TSPAN3: variants seen among roughly 807,000 people sequenced by gnomAD.
TSPAN3 encodes tetraspanin-3.
Under a neutral mutation model 31.1 loss-of-function variants are expected in TSPAN3, and 9 were observed. The observed-to-expected ratio is 0.29, with a 90% CI of 0.17 to 0.50. TSPAN3 has a LOEUF of 0.50. Ranked by LOEUF, TSPAN3 falls within the 20% of genes least tolerant of loss-of-function variation. The pLI is 0.98. For synonymous variants in TSPAN3, 129 were observed against 114.3 expected, an observed-to-expected ratio of 1.13 and a Z score of -0.82; for missense variants, 252 against 313.5, an observed-to-expected ratio of 0.80 and a Z score of 1.48.
At chr15:77,070,260 A>G (rs1269527939) in intron 1 of TSPAN3, among the ~76,000 whole-genome samples, 1 of 152,232 alleles carries the variant, frequency 6.6e-6, no homozygotes, top group Admixed American at 6.5e-5. Flanking sequence ...ACCAAGAGTT[A>G]TAATCTCACA....
At chr15:77,062,538 TAA>T (rs1314042087) in intron 1 of TSPAN3, among the ~76,000 whole-genome samples, 2 of 152,110 alleles carry the variant, frequency 1.3e-5, no homozygotes, top group African/African-American at 4.8e-5. Flanking sequence ...TGATCAGCAA[TAA>T]AGTTAAGGAG....
At chr15:77,070,234 C>G (rs1254610376) in intron 1 of TSPAN3, among the ~76,000 whole-genome samples, 1 of 152,202 alleles carries the variant, frequency 6.6e-6, no homozygotes, top group Non-Finnish European at 1.5e-5. Context: ...CTTGTGACAT[C>G]TCCATCATAT....
At chr15:77,055,678 CAAGT>C (rs2076764189) in intron 3 of TSPAN3, 107 bp downstream of exon 3, 6 of 841,416 alleles carry the variant, frequency 7.1e-6, no homozygotes, top group East Asian at 2.6e-5. Context: ...ACAGATTAAA[CAAGT>C]AAGGCAAAAG....
intron 1 of TSPAN3, among the ~76,000 whole-genome samples, chr15:77,059,592 T>C (rs1037408775): frequency 1.3e-5 from 2 of 152,186 alleles, no homozygotes; most frequent in African/African-American, 4.8e-5. Flanking sequence ...TTGTCATTTG[T>C]TTTTATTAGA....
intron 1 of TSPAN3, among the ~76,000 whole-genome samples, chr15:77,056,558 T>G (rs958349237): frequency 1.3e-5 from 2 of 152,060 alleles, no homozygotes; most frequent in African/African-American, 2.4e-5. Flanking sequence ...GTAGCTCAAT[T>G]CCACATCCAA....
intron 4 of TSPAN3, 103 bp from the exon 5 acceptor site, chr15:77,053,032 C>T (rs1246773674): frequency 3.5e-5 from 39 of 1,122,858 alleles, no homozygotes; most frequent in East Asian, 1.6e-4. Context: ...CAGTGATGTC[C>T]GATACAACTT....
chr15:77,042,762 T>C lies in TSPAN3; in HGVS notation c.*4073A>G, dbSNP rs201154823. 1.3e-5 allele frequency: 2 copies of C among 151,938 alleles called. No individual in the cohort carries two copies. The highest frequency in any genetic ancestry group is 4.8e-5 in the African/African-American group (2 of 41,362). The allele number at this position is 151,938 out of a possible 1,614,324, so 9.4% of individuals were successfully genotyped here. A position where few individuals can be genotyped will look rare whatever the true frequency, so the allele number is the denominator to read the frequency against. On this transcript the variant is annotated 3_prime_UTR_variant, in exon 7 of 7. Coordinates refer to ENST00000267970, the MANE Select transcript of TSPAN3 (RefSeq NM_005724.6). ...ACATTTGCTGAACCTGGTCGGGGAA[T>C]GGGGAAGAGTCTCATGAGGAACAGG...
chr15:77,056,191 T>C lies in TSPAN3; in HGVS notation c.128A>G (p.His43Arg). 6.2e-7 allele frequency: 1 copy of C among 1,613,790 alleles called. No individual in the cohort carries two copies. The highest frequency in any genetic ancestry group is 8.5e-7 in the Non-Finnish European group (1 of 1,179,946). Reference protein sequence around the residue: ...YVFITYDDYDHFFEDVYTLIP... With the variant: ...YVFITYDDYDRFFEDVYTLIP... ...GAGCGTGTACACATCTTCAAAGAAGTGGTCATAGTCATCATAAGTGATGAA... is the reference window on the plus strand; with the variant it reads ...GAGCGTGTACACATCTTCAAAGAAGCGGTCATAGTCATCATAAGTGATGAA... The change falls in exon 2 of 7, where the codon CAC becomes CGC. Residue 43 changes from histidine to arginine, a missense_variant. By Grantham distance (29) the His-to-Arg change is conservative. Coordinates refer to ENST00000267970, the MANE Select transcript of TSPAN3 (RefSeq NM_005724.6).
At chr15:77,068,769 GGAT>G (rs2076848911) in intron 1 of TSPAN3, among the ~76,000 whole-genome samples, 1 of 152,184 alleles carries the variant, frequency 6.6e-6, no homozygotes, top group Non-Finnish European at 1.5e-5. Context: ...AGTTTGTTGA[GGAT>G]GATGGCTTCC....
intron 1 of TSPAN3, among the ~76,000 whole-genome samples, chr15:77,067,119 G>A (rs138682985): frequency 1.3e-5 from 2 of 151,902 alleles, no homozygotes; most frequent in African/African-American, 4.8e-5. Flanking sequence ...CCTCTTAAAG[G>A]CCCCATCTCT....
intron 5 of TSPAN3, 122 bp from the exon 6 acceptor site, chr15:77,052,590 T>C: frequency 8.7e-7 from 1 of 1,145,482 alleles, no homozygotes; most frequent in Non-Finnish European, 1.3e-6. Context: ...GAAAAAAGAT[T>C]CCATGATTGG....
At chr15:77,061,660 G>A (rs1475715797) in intron 1 of TSPAN3, among the ~76,000 whole-genome samples, 1 of 152,210 alleles carries the variant, frequency 6.6e-6, no homozygotes, top group Non-Finnish European at 1.5e-5. Context: ...GGGAGATAAA[G>A]TAGCTCTGTT....
intron 5 of TSPAN3, 84 bp downstream of exon 5, chr15:77,052,693 C>T: frequency 6.8e-7 from 1 of 1,470,950 alleles, no homozygotes; most frequent in Non-Finnish European, 9.3e-7. Context: ...AGCAAGGTGG[C>T]AGAAAAGAAG....
intron 1 of TSPAN3, among the ~76,000 whole-genome samples, chr15:77,057,048 AAC>A (rs1373032208): frequency 6.6e-6 from 1 of 152,200 alleles, no homozygotes; most frequent in Non-Finnish European, 1.5e-5. Context: ...AGGGAAAGTG[AAC>A]ACACAAAGAC....
chr15:77,053,262 G>A (rs187201554), intron 4 of TSPAN3, among the ~76,000 whole-genome samples: 32 of 151,786 alleles, frequency 2.1e-4, no homozygotes, highest in Admixed American at 1.4e-3. Context: ...TTGGGAGGCC[G>A]AGATGGGCGA....
At chr15:77,064,299 G>A (rs373761193) in intron 1 of TSPAN3, 1 of 152,120 alleles carries the variant, frequency 6.6e-6, no homozygotes, top group Non-Finnish European at 1.5e-5. Flanking sequence ...TTAGCTGTCA[G>A]ACTACAGGGA....
intron 1 of TSPAN3, among the ~76,000 whole-genome samples, chr15:77,057,891 T>C (rs2076777576): frequency 6.6e-6 from 1 of 152,168 alleles, no homozygotes; most frequent in Non-Finnish European, 1.5e-5. Context: ...ATCCTCAACC[T>C]GTCTCAAACC....
At position 77,046,844 on chromosome 15, in the gene TSPAN3, G is replaced by A. The variant is rs2076695277; in HGVS notation, c.753C>T (p.Thr251=). 1 of 1,590,188 alleles carries A rather than the reference G, an allele frequency of 6.3e-7. No homozygotes were observed. The highest frequency in any genetic ancestry group is 8.6e-7 in the Non-Finnish European group (1 of 1,165,402). ...AGGCTTGAGTTGTCAACTATGCATA[G>A]GTTCCGCCAGTGATGAGGAGCTCGT... ...PAYELLITGG[T]YA The change falls in exon 7 of 7, where the codon ACC becomes ACT. Residue 251 remains threonine (T), a synonymous_variant. Transcript: ENST00000267970.
intron 6 of TSPAN3, among the ~76,000 whole-genome samples, chr15:77,048,351 G>GA (rs553409195): frequency 7.6e-4 from 115 of 151,688 alleles, no homozygotes; most frequent in Non-Finnish European, 1.4e-3. Flanking sequence ...TTTGCTAAGG[G>GA]AAAAAAAATC....
Sources: allele counts gnomAD v4.1 joint callset (sites outside exome capture counted in the v4.1 genomes callset), GRCh38; gene constraint gnomAD v4.1.1; transcripts MANE v1.5; gene names NCBI Gene and HGNC (gene_info 2026-07-23, HGNC 2026-07-21).